Variants in GPC5 observed in about 807,000 individuals in gnomAD.
The protein encoded by GPC5 is glypican 5, also known as glypican-5.
In GPC5, 47 loss-of-function variants were observed where a neutral mutation model predicts 53.9. The observed-to-expected ratio is 0.87, with a 90% CI of 0.69 to 1.11. The LOEUF (loss-of-function observed/expected upper bound fraction) is 1.11. Among genes scored for constraint, GPC5 ranks in the 50% most tolerant of loss-of-function variants. The probability of loss-of-function intolerance (pLI) is 0.00; values close to 1 mark genes in which losing one functional copy is unlikely to be tolerated. For synonymous variants in GPC5, 286 were observed against 263.3 expected (o/e 1.09, Z -0.84); for missense variants, 748 against 713.1 (o/e 1.05, Z -0.56).
At chr13:91,862,653 A>T (rs1415362009) in intron 5 of GPC5, among the ~76,000 whole-genome samples, 1 of 152,164 alleles carries the variant, frequency 6.6e-6, no homozygotes, top group Admixed American at 6.6e-5. Context: ...TTACAAACCT[A>T]TTACAGTAAT....
intron 2 of GPC5, among the ~76,000 whole-genome samples, chr13:91,454,078 T>A (rs1188837873): frequency 6.6e-6 from 1 of 152,110 alleles, no homozygotes; most frequent in Non-Finnish European, 1.5e-5. Context: ...TTTAGTGTGT[T>A]ATCTAATACA....
intron 5 of GPC5, among the ~76,000 whole-genome samples, chr13:91,860,749 A>G (rs541085043): frequency 1.3e-5 from 2 of 151,750 alleles, no homozygotes; most frequent in South Asian, 4.2e-4. Flanking sequence ...TGATCCGCCT[A>G]CCTCGGCCTT....
intron 2 of GPC5, among the ~76,000 whole-genome samples, chr13:91,582,850 T>A (rs947871666): frequency 7.9e-5 from 12 of 152,046 alleles, no homozygotes; most frequent in African/African-American, 2.9e-4. Flanking sequence ...GTGTCTCTAC[T>A]AAATATACAA....
intron 5 of GPC5, among the ~76,000 whole-genome samples, chr13:91,902,979 G>T (rs1328836856): frequency 6.7e-6 from 1 of 149,658 alleles, no homozygotes; most frequent in Non-Finnish European, 1.5e-5. Flanking sequence ...TTATAAGGCT[G>T]AAAATACATA....
In GPC5 at chr13:91,665,868, T is replaced by A. The variant is rs546548682; in HGVS notation, c.326-27319T>A. On this transcript the variant is annotated intron_variant, in intron 2 of 7. Transcript: ENST00000377067. Reference sequence around the variant, plus strand: ...CTTGGGCAAACCTATGATCACCCAATATTTGAGCACAGTCGAGTGGATGTA... The same window carrying A: ...CTTGGGCAAACCTATGATCACCCAAAATTTGAGCACAGTCGAGTGGATGTA... 7.6e-4 allele frequency among the ~76,000 whole-genome samples: 115 copies of A among 152,266 alleles called. 1 individual carries two copies. Among genetic ancestry groups the A allele is most frequent in the African/African-American group, 2.6e-3 (109 of 41,542 alleles).
At chr13:92,281,980 A>T (rs2042918898) in intron 7 of GPC5, among the ~76,000 whole-genome samples, 1 of 152,198 alleles carries the variant, frequency 6.6e-6, no homozygotes, top group African/African-American at 2.4e-5. Flanking sequence ...TCCCAACACA[A>T]AGAAGCTAAA....
At chr13:91,901,177 A>G (rs2039493933) in intron 5 of GPC5, among the ~76,000 whole-genome samples, 1 of 152,072 alleles carries the variant, frequency 6.6e-6, no homozygotes, top group Admixed American at 6.6e-5. Context: ...AGATCATAAT[A>G]AGCTCTCCTT....
At chr13:92,339,959 G>A (rs531780051) in intron 7 of GPC5, 7 of 151,990 alleles carry the variant, frequency 4.6e-5, no homozygotes, top group African/African-American at 1.7e-4. Context: ...TTCTTCATAT[G>A]AGGCCAAAAA....
intron 7 of GPC5, among the ~76,000 whole-genome samples, chr13:92,188,195 A>C (rs2042198029): frequency 6.6e-6 from 1 of 152,234 alleles, no homozygotes; most frequent in South Asian, 2.1e-4. Flanking sequence ...GATTTTTAAA[A>C]AAATTCCTGA....
intron 5 of GPC5, among the ~76,000 whole-genome samples, chr13:91,891,093 G>A (rs1016591151): frequency 6.6e-6 from 1 of 152,160 alleles, no homozygotes; most frequent in Admixed American, 6.5e-5. Context: ...GTGGAAGAAA[G>A]CTAGATTGGA....
At chr13:91,952,762 G>A (rs1334103977) in intron 6 of GPC5, among the ~76,000 whole-genome samples, 1 of 152,062 alleles carries the variant, frequency 6.6e-6, no homozygotes, top group Non-Finnish European at 1.5e-5. Context: ...GATAATCCCT[G>A]AACAAAAAGA....
At chr13:92,663,854 CACTATA>C (rs1886461066) in intron 7 of GPC5, among the ~76,000 whole-genome samples, 6 of 75,316 alleles carry the variant, frequency 8.0e-5, no homozygotes, top group South Asian at 3.4e-4. Flanking sequence ...TACACACACA[CACTATA>C]TATATATATA....
At chr13:92,636,047 C>T (rs1273880907) in intron 7 of GPC5, among the ~76,000 whole-genome samples, 1 of 152,180 alleles carries the variant, frequency 6.6e-6, no homozygotes, top group Non-Finnish European at 1.5e-5. Context: ...GTCACCTACT[C>T]TTCTTTCTCC....
intron 2 of GPC5, among the ~76,000 whole-genome samples, chr13:91,496,781 G>T (rs1291077003): frequency 6.6e-6 from 1 of 152,066 alleles, no homozygotes; most frequent in Non-Finnish European, 1.5e-5. Flanking sequence ...AACTAAAAGA[G>T]TATAATCATA....
chr13:91,910,343 G>A (rs977823500), intron 6 of GPC5, among the ~76,000 whole-genome samples: 5 of 152,266 alleles, frequency 3.3e-5, no homozygotes, highest in South Asian at 2.1e-4. Context: ...ATAGCCTTCC[G>A]TAAGTGAGAA....
At chr13:92,798,401 C>T (rs528023132) in intron 7 of GPC5, among the ~76,000 whole-genome samples, 10 of 151,816 alleles carry the variant, frequency 6.6e-5, no homozygotes, top group African/African-American at 2.2e-4. Context: ...TTTCTGTTTC[C>T]AAGTTTGAAC....
At chr13:92,764,475 C>T (rs1875316066) in intron 7 of GPC5, among the ~76,000 whole-genome samples, 1 of 152,200 alleles carries the variant, frequency 6.6e-6, no homozygotes, top group African/African-American at 2.4e-5. Flanking sequence ...GCTCCCTCAA[C>T]TGGAATCAGT....
At chr13:91,610,300 T>G (rs1363665913) in intron 2 of GPC5, among the ~76,000 whole-genome samples, 1 of 152,198 alleles carries the variant, frequency 6.6e-6, no homozygotes, top group African/African-American at 2.4e-5. Context: ...TGAAAAGAAT[T>G]TATTGCTTGC....
At chr13:91,965,392 C>T (rs1208468934) in intron 6 of GPC5, among the ~76,000 whole-genome samples, 1 of 152,052 alleles carries the variant, frequency 6.6e-6, no homozygotes, top group Non-Finnish European at 1.5e-5. Context: ...CTTTAAATTG[C>T]TCATTTATCT....
Sources: gnomAD v4.1 joint callset for allele counts (sites outside exome capture counted in the v4.1 genomes callset) on GRCh38, gnomAD v4.1.1 for gene constraint, MANE v1.5 for transcripts, NCBI Gene and HGNC (gene_info 2026-07-23, HGNC 2026-07-21) for gene names.